The following GAK variants were observed in gnomAD, a reference collection of about 807,000 sequenced individuals.
The protein encoded by GAK is cyclin G associated kinase, also known as cyclin-G-associated kinase.
Under a neutral mutation model 143.9 loss-of-function variants are expected in GAK, and 79 were observed. That is an observed-to-expected ratio of 0.55 (90% CI 0.46 to 0.66). The LOEUF is 0.66. Among genes scored for constraint, GAK ranks in the 30% least tolerant of loss-of-function variants. GAK has a pLI of 0.00. For synonymous variants in GAK, 881 were observed against 765.5 expected (o/e 1.15, Z -2.49); for missense variants, 1,693 against 1,779.7 (o/e 0.95, Z 0.88).
rs913708953 is a variant in GAK at position 901,439 on chromosome 4, C to T, written c.525+3198G>A. Among the ~76,000 whole-genome samples, 31 of 152,340 alleles carry T rather than the reference C, an allele frequency of 2.0e-4. 1 individual carries two copies. Among genetic ancestry groups the T allele is most frequent in the African/African-American group, 7.0e-4 (29 of 41,580 alleles). On this transcript the variant is annotated intron_variant, in intron 5 of 27. Coordinates refer to ENST00000314167, the MANE Select transcript of GAK (RefSeq NM_005255.4). ...CCCCACCTAGGGCACACGGGGAGAGCTGGGGGGCTCTGAGGCCTCCTAGGC... is the reference window on the plus strand; with the variant it reads ...CCCCACCTAGGGCACACGGGGAGAGTTGGGGGGCTCTGAGGCCTCCTAGGC...
chr4:905,626 G>A (rs757910083), intron 4 of GAK, among the ~76,000 whole-genome samples: 6 of 145,682 alleles, frequency 4.1e-5, no homozygotes, highest in East Asian at 2.0e-4. Context: ...GCCACGCTTC[G>A]GACTCTGCCA....
At chr4:930,867 T>C in intron 1 of GAK, among the ~76,000 whole-genome samples, 1 of 152,182 alleles carries the variant, frequency 6.6e-6, no homozygotes, top group East Asian at 1.9e-4. Context: ...CCTTTTGTGA[T>C]AATCAGAATT....
At chr4:876,910 C>T (rs1714027190) in intron 17 of GAK, among the ~76,000 whole-genome samples, 180 bp downstream of exon 17, 1 of 152,234 alleles carries the variant, frequency 6.6e-6, no homozygotes, top group Non-Finnish European at 1.5e-5. Context: ...GATCCTGCCG[C>T]GTCAAGTGCA....
intron 14 of GAK, 110 bp downstream of exon 14, chr4:882,587 G>T: frequency 7.3e-7 from 1 of 1,374,820 alleles, no homozygotes; most frequent in Non-Finnish European, 1.0e-6. Context: ...CCGTGTCCCA[G>T]GGTGAAGAAC....
chr4:896,485 G>A lies in GAK; in HGVS notation c.716C>T (p.Pro239Leu), dbSNP rs1718798463. ...CCAGATATCCTGCTTCTCGCCGATC[G>A]GGAAGTTGGAATACAAGTCTATGAT... ...PEIIDLYSNF[P>L]IGEKQDIWAL... is the part of the protein sequence containing the mutation. The change falls in exon 7 of 28, where the codon CCG becomes CTG. Residue 239 changes from proline (P) to leucine (L), a missense_variant. Physicochemically the swap from Pro to Leu is moderately conservative, Grantham distance 98. Coordinates refer to ENST00000314167, the MANE Select transcript of GAK (RefSeq NM_005255.4). The A allele has an allele frequency of 1.9e-6, 3 of 1,613,854 alleles. No individual in the cohort carries two copies. Among genetic ancestry groups the A allele is most frequent in the Non-Finnish European group, 2.5e-6 (3 of 1,179,878 alleles).
chr4:925,573 T>C (rs1280867458), intron 1 of GAK, among the ~76,000 whole-genome samples: 1 of 152,234 alleles, frequency 6.6e-6, no homozygotes, highest in African/African-American at 2.4e-5. Flanking sequence ...AATGAATCTG[T>C]GTCCCCTCCA....
intron 23 of GAK, among the ~76,000 whole-genome samples, chr4:864,453 G>A (rs1034286714): frequency 6.6e-6 from 1 of 152,198 alleles, no homozygotes; most frequent in Non-Finnish European, 1.5e-5. Context: ...TTCTAGGGGT[G>A]TTCGCTTTGA....
At chr4:856,583 CCACCACAGGTGCTCACAGCTGCT>C (rs1336890529) in intron 24 of GAK, among the ~76,000 whole-genome samples, 21 of 73,450 alleles carry the variant, frequency 2.9e-4, no homozygotes, top group South Asian at 4.8e-4. Context: ...CAGCTGCTCA[CCACCACAGGTGCTCACAGCTGCT>C]CACCACAGGT....
intron 14 of GAK, among the ~76,000 whole-genome samples, 180 bp from the exon 15 acceptor site, chr4:882,220 A>G (rs1577145102): frequency 6.6e-6 from 1 of 152,228 alleles, no homozygotes; most frequent in Non-Finnish European, 1.5e-5. Flanking sequence ...GGAGCCCAAC[A>G]GAGACTGAAG....
In GAK at chr4:867,473, C is replaced by G. The variant is rs768283410; in HGVS notation, c.2396-41G>C. The G allele has an allele frequency of 9.0e-6, 13 of 1,447,854 alleles. No individual in the cohort carries two copies. The Admixed American group carries it at 1.2e-4, about 13-fold the overall frequency. 89.7% of individuals were successfully genotyped at this position (1,447,854 alleles called of 1,614,324 possible). ...AAAACCACAGGCTAGTGAGACCACA[C>G]GGCCAGCACCAGGGTCCCCACGGCG... On this transcript the variant is annotated intron_variant, in intron 20 of 27. Transcript: ENST00000314167.
intron 24 of GAK, among the ~76,000 whole-genome samples, chr4:854,639 T>G (rs1489404453): frequency 6.6e-6 from 1 of 152,232 alleles, no homozygotes; most frequent in Non-Finnish European, 1.5e-5. Flanking sequence ...AGTCCTCTCT[T>G]CTCTCCACAG....
intron 1 of GAK, among the ~76,000 whole-genome samples, chr4:931,013 G>A (rs1040058496): frequency 2.6e-5 from 4 of 152,210 alleles, no homozygotes; most frequent in African/African-American, 9.7e-5. Context: ...CAATACAGCA[G>A]AATAGAGTTA....
chr4:901,620 C>T (rs1161881833), intron 5 of GAK, among the ~76,000 whole-genome samples: 1 of 152,248 alleles, frequency 6.6e-6, no homozygotes, highest in Non-Finnish European at 1.5e-5. Flanking sequence ...CCTCTGGACA[C>T]AGGCCAGGTA....
chr4:851,818 G>A lies in GAK; in HGVS notation c.3440C>T (p.Pro1147Leu). The A allele has an allele frequency of 6.2e-7, 1 of 1,611,786 alleles. No individual in the cohort carries two copies. Among genetic ancestry groups the A allele is most frequent in the Admixed American group, 1.7e-5 (1 of 59,716 alleles). The change falls in exon 25 of 28, where the codon CCT (proline) becomes CTT (leucine). Residue 1147 changes from proline (P) to leucine (L), a missense_variant. Around this residue, in one of 2 missense-constraint regions of GAK, gnomAD observed 822 missense variants for 788.7 expected, o/e 1.04. Transcript: ENST00000314167. ...PPPKACTQPR[P>L]NYASNFSVIG... ...CACACTGAAGTTCGAGGCATAGTTA[G>A]GCCTTGGCTGTGTGCAGGCTTTGGG...
chr4:856,825 G>A (rs891005153), intron 24 of GAK, among the ~76,000 whole-genome samples: 17 of 152,314 alleles, frequency 1.1e-4, no homozygotes, highest in African/African-American at 7.2e-5. Context: ...ATCCTCCCAC[G>A]TTGGCCTCCC....
chr4:850,012 C>A lies in GAK; in HGVS notation c.3714G>T (p.Leu1238=), dbSNP rs1419553459. Residue 1238 remains leucine (L), a synonymous_variant, in exon 27 of 28, where the codon CTG becomes CTT. Coordinates refer to ENST00000314167, the MANE Select transcript of GAK (RefSeq NM_005255.4). ...TCTCCCCGTCCCACAGCACTGTGTG[C>A]AGCGTGGACAGCAGGGCCCGGATGT... ...ERNIRALLST[L]HTVLWDGESR... is the part of the protein sequence containing the mutation. 1 of 1,606,826 alleles carries A rather than the reference C, an allele frequency of 6.2e-7. No homozygotes were observed. Among genetic ancestry groups the A allele is most frequent in the East Asian group, 2.2e-5 (1 of 44,572 alleles).
intron 1 of GAK, among the ~76,000 whole-genome samples, chr4:928,556 C>T (rs1195803480): frequency 6.6e-6 from 1 of 152,142 alleles, no homozygotes; most frequent in African/African-American, 2.4e-5. Flanking sequence ...TCAAGTGTAC[C>T]CTGCGGAGGA....
In GAK at chr4:909,244, C is replaced by T. The variant is rs552322775; in HGVS notation, c.382+2429G>A. Among the ~76,000 whole-genome samples the T allele has an allele frequency of 3.0e-4, 46 of 152,398 alleles. No individual in the cohort carries two copies. The South Asian group carries it at 8.3e-3, about 27-fold the overall frequency. On this transcript the variant is annotated intron_variant, in intron 4 of 27. Transcript: ENST00000314167. ...GAGCGGGAGGCCCCACGGCGTGATG[C>T]GTGCTCCCGACAAATCTTAATCCCA...
chr4:876,502 C>T, intron 18 of GAK, 28 bp downstream of exon 18: 1 of 1,603,400 alleles, frequency 6.2e-7, no homozygotes, highest in South Asian at 1.1e-5. Context: ...CTGTCCCTCC[C>T]CACCGAGCAC....
Sources: allele counts gnomAD v4.1 joint callset (sites outside exome capture counted in the v4.1 genomes callset), GRCh38; gene constraint gnomAD v4.1.1; regional missense constraint gnomAD v4.1.1; transcripts MANE v1.5; gene names NCBI Gene and HGNC (gene_info 2026-07-23, HGNC 2026-07-21).